TENM1: variants seen among roughly 807,000 people sequenced by gnomAD.
The protein encoded by TENM1 is teneurin-1.
In TENM1, 35 loss-of-function variants were observed where a neutral mutation model predicts 174.8. The ratio of observed to expected loss-of-function variants is 0.20; its 90% CI spans 0.15 to 0.27. TENM1 has a LOEUF of 0.27. TENM1 is among the 10% of genes least tolerant of loss of function. The pLI, the probability that TENM1 is intolerant of heterozygous loss-of-function variation, is 1.00. For synonymous variants in TENM1, 781 were observed against 798.7 expected (o/e 0.98, Z 0.37); for missense variants, 1,633 against 2,130.1 (o/e 0.77, Z 4.59).
intron 18 of TENM1, among the ~76,000 whole-genome samples, chrX:124,508,261 C>A (rs2148009492): frequency 8.9e-6 from 1 of 112,213 alleles, no homozygotes; most frequent in African/African-American, 3.2e-5. Context: ...GACACACTGC[C>A]CAGTGGCCTG....
chrX:125,055,563 A>T, the TENM1 span, among the ~76,000 whole-genome samples: 1 of 111,599 alleles, frequency 9.0e-6, no homozygotes, highest in South Asian at 3.8e-4. Context: ...TATTCAATAC[A>T]CTTTTTGAAT....
At chrX:124,546,046 T>C (rs2048421516) in intron 15 of TENM1, among the ~76,000 whole-genome samples, 1 of 111,895 alleles carries the variant, frequency 8.9e-6, no homozygotes, top group African/African-American at 3.3e-5. Context: ...GATATCAATA[T>C]AAACTCTTGA....
At chrX:125,134,557 T>C in the TENM1 span, among the ~76,000 whole-genome samples, 1 of 111,978 alleles carries the variant, frequency 8.9e-6, no homozygotes, top group Admixed American at 9.5e-5. Context: ...CATCAACCAC[T>C]AGTTTCCCCG....
chrX:124,420,251 A>C (rs1018568847), intron 25 of TENM1, 60 bp downstream of exon 28: 1 of 1,085,454 alleles, frequency 9.2e-7, no homozygotes, highest in Non-Finnish European at 1.2e-6. Context: ...GCATTTTCCC[A>C]GTATAATACA....
chrX:124,883,630 G>T (rs1326601908), intron 3 of TENM1, among the ~76,000 whole-genome samples: 1 of 112,422 alleles, frequency 8.9e-6, no homozygotes, highest in Admixed American at 9.4e-5. Context: ...AGCAGGTGTG[G>T]CATGGACAGT....
At chrX:124,569,840 A>G (rs2148185371) in intron 11 of TENM1, among the ~76,000 whole-genome samples, 1 of 111,480 alleles carries the variant, frequency 9.0e-6, no homozygotes, top group South Asian at 3.7e-4. Context: ...AATGTATACA[A>G]GAAAGTAGAA....
intron 3 of TENM1, among the ~76,000 whole-genome samples, chrX:124,837,184 G>A (rs2056409165): frequency 8.9e-6 from 1 of 112,243 alleles, no homozygotes; most frequent in African/African-American, 3.2e-5. Flanking sequence ...TGCCTCCCGG[G>A]TTCAAGTGAT....
chrX:125,051,643 G>A, the TENM1 span, among the ~76,000 whole-genome samples: 1 of 105,380 alleles, frequency 9.5e-6, no homozygotes, highest in Non-Finnish European at 2.0e-5. Context: ...CTAGCCATAT[G>A]TAGAAAGCTG....
At chrX:125,012,671 T>C in the TENM1 span, among the ~76,000 whole-genome samples, 1 of 111,780 alleles carries the variant, frequency 8.9e-6, no homozygotes, top group Non-Finnish European at 1.9e-5. Flanking sequence ...ATAATAATAT[T>C]TGTAAAAAAA....
At chrX:124,846,005 T>A (rs768601683) in intron 3 of TENM1, among the ~76,000 whole-genome samples, 33 of 110,792 alleles carry the variant, frequency 3.0e-4, no homozygotes, top group Non-Finnish European at 5.7e-4. Context: ...GAGGCTACTA[T>A]GGAATTTCAG....
chrX:124,756,821 G>A (rs772006443), intron 3 of TENM1, among the ~76,000 whole-genome samples: 6 of 111,890 alleles, frequency 5.4e-5, no homozygotes, highest in East Asian at 5.7e-4. Flanking sequence ...CGTGAACCGC[G>A]AATGCTGCTG....
chrX:124,565,243 C>G, intron 12 of TENM1, 132 bp downstream of exon 15: 1 of 406,308 alleles, frequency 2.5e-6, no homozygotes, highest in African/African-American at 2.5e-5. Flanking sequence ...AACTTTAAAA[C>G]TTGTAACCAA....
At chrX:124,940,395 TAA>T (rs2058308595) in intron 1 of TENM1, among the ~76,000 whole-genome samples, 1 of 112,019 alleles carries the variant, frequency 8.9e-6, no homozygotes, top group Non-Finnish European at 1.9e-5. Flanking sequence ...TAGAAAAATA[TAA>T]ATACTATATT....
Position 124,637,788 on chromosome X carries a change from G to T in TENM1, c.2077+4003C>A, listed in dbSNP as rs780992234. 8.0e-5 allele frequency among the ~76,000 whole-genome samples: 9 copies of T among 111,833 alleles called. No individual in the cohort carries two copies. In the South Asian group the frequency reaches 3.4e-3, roughly 42 times the overall value. On this transcript the variant is annotated intron_variant, in intron 11 of 31. Transcript: ENST00000422452. ...GGTATTTTCACCTTTATTCACATTT[G>T]CCTCCCCAACTATAGATGTTTCATC...
chrX:125,046,660 A>C, the TENM1 span, among the ~76,000 whole-genome samples: 1 of 112,107 alleles, frequency 8.9e-6, no homozygotes, highest in African/African-American at 3.2e-5. Context: ...CTAAATTTCT[A>C]AACAACTCAA....
chrX:124,799,509 A>G (rs1484482913), intron 3 of TENM1, among the ~76,000 whole-genome samples: 1 of 110,132 alleles, frequency 9.1e-6, no homozygotes, highest in Non-Finnish European at 1.9e-5. Flanking sequence ...TGGGGCTGAG[A>G]CAATGGGGTT....
the TENM1 span, among the ~76,000 whole-genome samples, chrX:125,001,843 A>G: frequency 3.5e-5 from 3 of 85,435 alleles, no homozygotes; most frequent in African/African-American, 9.6e-5. Flanking sequence ...ATAACAAACT[A>G]TAGATAGATA....
At position 124,563,644 on chromosome X, in the gene TENM1, AAAAC is replaced by A. The variant is rs1286875782; in HGVS notation, c.2287+101_2287+104del. ...TATTTAAATAAGATTGCCAAAAATA[AAAAC>A]AAACAACACAAATGCCAAAAAACGC... On this transcript the variant is annotated intron_variant, in intron 13 of 31. Coordinates refer to ENST00000422452, the Ensembl canonical transcript of TENM1. 9.6e-6 allele frequency: 6 copies of A among 622,308 alleles called. No homozygotes were observed. In the Admixed American group the frequency reaches 2.2e-4, roughly 23 times the overall value. The allele number at this position is 622,308 out of a possible 1,213,427, so 51.3% of individuals were successfully genotyped here. A position where few individuals can be genotyped will look rare whatever the true frequency, so the allele number is the denominator to read the frequency against.
chrX:124,939,340 G>A (rs1483275167), intron 1 of TENM1, among the ~76,000 whole-genome samples: 1 of 111,063 alleles, frequency 9.0e-6, no homozygotes, highest in African/African-American at 3.3e-5. Context: ...CTGGAATCCA[G>A]GATCAGCTGT....
Sources: allele counts gnomAD v4.1 joint callset (sites outside exome capture counted in the v4.1 genomes callset), GRCh38; gene constraint gnomAD v4.1.1; transcripts MANE v1.5; gene names NCBI Gene and HGNC (gene_info 2026-07-23, HGNC 2026-07-21).